Variants in LARGE1 observed in about 807,000 individuals in gnomAD.
LARGE1 encodes LARGE xylosyl- and glucuronyltransferase 1, also known as xylosyl- and glucuronyltransferase LARGE1.
A neutral mutation model predicts 87.6 loss-of-function variants in LARGE1; 43 were observed. That is an observed-to-expected ratio of 0.49 (90% CI 0.38 to 0.63). The LOEUF is 0.63. Ranked by LOEUF, LARGE1 falls within the 30% of genes least tolerant of loss-of-function variation. The pLI is 0.00. For missense variants in LARGE1, 802 were observed against 1,000.2 expected (o/e 0.80, Z 2.67); for synonymous variants, 434 against 394.6 (o/e 1.10, Z -1.18).
intron 1 of LARGE1, among the ~76,000 whole-genome samples, chr22:33,836,491 C>T (rs1231384252): frequency 6.6e-6 from 1 of 152,126 alleles, no homozygotes; most frequent in Admixed American, 6.5e-5. Context: ...CACCAAGAAC[C>T]CTGCAACTTC....
intron 1 of LARGE1, among the ~76,000 whole-genome samples, chr22:33,915,491 A>G (rs996064389): frequency 6.6e-6 from 1 of 152,138 alleles, no homozygotes; most frequent in African/African-American, 2.4e-5. Context: ...ACTGCTGCAT[A>G]ATGACATAAT....
chr22:33,766,909 T>TATAC, intron 1 of LARGE1, among the ~76,000 whole-genome samples: 4 of 78,982 alleles, frequency 5.1e-5, no homozygotes, highest in Admixed American at 1.6e-4. Context: ...AATTTAAACA[T>TATAC]ATACATATAT....
At chr22:33,602,054 C>T (rs1434479267) in intron 5 of LARGE1, among the ~76,000 whole-genome samples, 1 of 152,052 alleles carries the variant, frequency 6.6e-6, no homozygotes, top group Non-Finnish European at 1.5e-5. Context: ...CCACACCACC[C>T]GAGTGCATTT....
intron 1 of LARGE1, among the ~76,000 whole-genome samples, chr22:33,771,133 G>A (rs2085055849): frequency 6.7e-6 from 1 of 149,502 alleles, no homozygotes; most frequent in South Asian, 2.1e-4. Context: ...CCAATCCACT[G>A]CCCTTCTTTA....
Position 33,666,382 on chromosome 22 carries a change from C to A in LARGE1, c.107-15714G>T, listed in dbSNP as rs539584660. Among the ~76,000 whole-genome samples, 5 of 152,224 alleles carry A rather than the reference C, an allele frequency of 3.3e-5. No homozygotes were observed. In the East Asian group the frequency reaches 9.7e-4, roughly 29 times the overall value. ...TTTCCTGACATCTTAATCTGAACAC[C>A]CTGGCTACCCTGCCTGGGTTGTCCT... On this transcript the variant is annotated intron_variant, in intron 2 of 14. Coordinates refer to ENST00000397394, the MANE Select transcript of LARGE1 (RefSeq NM_133642.5).
intron 6 of LARGE1, among the ~76,000 whole-genome samples, chr22:33,499,590 C>T (rs1569215926): frequency 6.6e-6 from 1 of 152,190 alleles, no homozygotes; most frequent in Non-Finnish European, 1.5e-5. Flanking sequence ...GGTCCCGTGA[C>T]ACCTGTCCTA....
At chr22:33,462,080 C>A (rs2068404700) in intron 6 of LARGE1, among the ~76,000 whole-genome samples, 1 of 152,054 alleles carries the variant, frequency 6.6e-6, no homozygotes, top group Admixed American at 6.6e-5. Flanking sequence ...GAATAGATAA[C>A]CATACAGATT....
chr22:33,684,677 T>C (rs2081892199), intron 2 of LARGE1, among the ~76,000 whole-genome samples: 1 of 151,964 alleles, frequency 6.6e-6, no homozygotes, highest in African/African-American at 2.4e-5. Flanking sequence ...TGAAGAAAAA[T>C]ATCGCCAAGC....
intron 1 of LARGE1, among the ~76,000 whole-genome samples, chr22:33,884,279 C>T (rs2064781138): frequency 6.6e-6 from 1 of 152,192 alleles, no homozygotes; most frequent in South Asian, 2.1e-4. Context: ...GAACACAGCA[C>T]TTTAAAGCGA....
At chr22:33,126,885 T>C in the LARGE1 span, among the ~76,000 whole-genome samples, 13 of 152,352 alleles carry the variant, frequency 8.5e-5, no homozygotes, top group Non-Finnish European at 2.9e-5. Flanking sequence ...GGCCAAATGC[T>C]GGTTGCAATA....
intron 11 of LARGE1, among the ~76,000 whole-genome samples, chr22:33,201,581 A>C (rs1394518943): frequency 6.6e-6 from 1 of 152,160 alleles, no homozygotes; most frequent in Non-Finnish European, 1.5e-5. Flanking sequence ...TTGGAAAGGT[A>C]TGGGAGACGG....
chr22:33,723,554 C>T (rs539109667), intron 2 of LARGE1, among the ~76,000 whole-genome samples: 4 of 152,140 alleles, frequency 2.6e-5, no homozygotes, highest in Admixed American at 6.5e-5. Context: ...TGATATCAGG[C>T]GGATTTGGGT....
At chr22:33,565,135 T>C in intron 5 of LARGE1, 116 bp from the exon 6 acceptor site, 3 of 958,716 alleles carry the variant, frequency 3.1e-6, no homozygotes, top group Admixed American at 2.2e-5. Context: ...CAATAAAAAT[T>C]TGTTGAATAA....
At chr22:33,294,945 T>A (rs1434613702) in intron 12 of LARGE1, among the ~76,000 whole-genome samples, 3 of 152,230 alleles carry the variant, frequency 2.0e-5, no homozygotes, top group African/African-American at 7.2e-5. Flanking sequence ...ATATGACCTT[T>A]GGGCAAACTT....
chr22:33,710,503 G>A (rs949085308), intron 2 of LARGE1, among the ~76,000 whole-genome samples: 8 of 152,184 alleles, frequency 5.3e-5, no homozygotes, highest in South Asian at 2.1e-4. Flanking sequence ...GGAACAACTC[G>A]TCCCTGGCTG....
At chr22:33,503,137 G>C (rs1224978974) in intron 6 of LARGE1, among the ~76,000 whole-genome samples, 8 of 152,130 alleles carry the variant, frequency 5.3e-5, no homozygotes, top group Non-Finnish European at 1.0e-4. Flanking sequence ...ATGTGGGAAA[G>C]GTTATCCGCA....
At chr22:33,817,271 A>C (rs2086682495) in intron 1 of LARGE1, among the ~76,000 whole-genome samples, 1 of 152,100 alleles carries the variant, frequency 6.6e-6, no homozygotes, top group Admixed American at 6.6e-5. Flanking sequence ...ATATCAGTAG[A>C]CTTGCAGGTA....
rs574869263 is a variant in LARGE1 at position 33,712,942 on chromosome 22, A to G, written c.106+48429T>C. On this transcript the variant is annotated intron_variant, in intron 2 of 14. Transcript: ENST00000397394. ...TGTCAACGGTGAGGACGACAGCTAC[A>G]CTTTTAAAGGTACCTAAATTGCCTA... Among the ~76,000 whole-genome samples the G allele has an allele frequency of 4.6e-5, 7 of 152,240 alleles. No individual in the cohort carries two copies. The South Asian group carries it at 6.2e-4, about 14-fold the overall frequency.
At chr22:33,430,603 T>C (rs112242423) in intron 7 of LARGE1, among the ~76,000 whole-genome samples, 76 of 152,284 alleles carry the variant, frequency 5.0e-4, no homozygotes, top group African/African-American at 1.8e-3. Context: ...AAAAATTACA[T>C]AGAGCAAGGC....
Sources: gnomAD v4.1 joint callset for allele counts (sites outside exome capture counted in the v4.1 genomes callset) on GRCh38, gnomAD v4.1.1 for gene constraint, MANE v1.5 for transcripts, NCBI Gene and HGNC (gene_info 2026-07-23, HGNC 2026-07-21) for gene names.